RARB: variants seen among roughly 807,000 people sequenced by gnomAD.
RARB encodes retinoic acid receptor beta, also known as HBV-activated protein.
A neutral mutation model predicts 51.9 loss-of-function variants in RARB; 17 were observed. The ratio of observed to expected loss-of-function variants is 0.33; its 90% CI spans 0.22 to 0.49. RARB has a LOEUF of 0.49. Among genes scored for constraint, RARB ranks in the 20% least tolerant of loss-of-function variants. RARB has a pLI of 0.99. For missense variants in RARB, 369 were observed against 550.8 expected, an observed-to-expected ratio of 0.67 and a Z score of 3.30; for synonymous variants, 215 against 195.4, an observed-to-expected ratio of 1.10 and a Z score of -0.84.
intron 2 of RARB, among the ~76,000 whole-genome samples, chr3:24,996,832 T>A (rs1245011928): frequency 6.6e-6 from 1 of 152,042 alleles, no homozygotes; most frequent in Non-Finnish European, 1.5e-5. Flanking sequence ...GATGTTATTT[T>A]GGTTTGTGAA....
chr3:25,564,670 A>G (rs1252406124), intron 3 of RARB, among the ~76,000 whole-genome samples: 10 of 152,162 alleles, frequency 6.6e-5, no homozygotes, highest in Middle Eastern at 3.2e-3. Flanking sequence ...CGGATCTTGT[A>G]TTAAGCCCTG....
chr3:25,328,141 G>A (rs1031407774), intron 5 of RARB, among the ~76,000 whole-genome samples: 9 of 152,216 alleles, frequency 5.9e-5, no homozygotes, highest in Non-Finnish European at 1.3e-4. Context: ...ATATCAATAT[G>A]CAGTATAAAA....
intron 5 of RARB, among the ~76,000 whole-genome samples, chr3:25,297,113 C>G (rs1453629579): frequency 6.6e-6 from 1 of 152,274 alleles, no homozygotes; most frequent in East Asian, 1.9e-4. Flanking sequence ...ATATAAACTT[C>G]AGGAAATCCA....
intron 2 of RARB, among the ~76,000 whole-genome samples, chr3:24,948,664 G>A (rs183273106): frequency 6.6e-6 from 1 of 152,150 alleles, no homozygotes; most frequent in Non-Finnish European, 1.5e-5. Flanking sequence ...TCGAGATGTT[G>A]GAGGTGGGCC....
chr3:24,981,744 G>GT (rs1376439031), intron 2 of RARB, among the ~76,000 whole-genome samples: 1 of 152,140 alleles, frequency 6.6e-6, no homozygotes, highest in Non-Finnish European at 1.5e-5. Flanking sequence ...TGCTTCCTGG[G>GT]TAAGGCGATT....
intron 5 of RARB, chr3:25,259,927 C>G (rs1029680328): frequency 1.1e-5 from 11 of 985,296 alleles, no homozygotes; most frequent in Non-Finnish European, 1.3e-5. Flanking sequence ...GGCTTTGTCT[C>G]TTTGGCATTC....
chr3:24,857,000 G>C (rs576095590), intron 1 of RARB, among the ~76,000 whole-genome samples: 1 of 152,154 alleles, frequency 6.6e-6, no homozygotes, highest in Admixed American at 6.5e-5. Flanking sequence ...TTATTGAGTT[G>C]CTAAGCTGCA....
At chr3:25,409,337 T>C (rs996339050) in intron 5 of RARB, among the ~76,000 whole-genome samples, 9 of 152,084 alleles carry the variant, frequency 5.9e-5, no homozygotes, top group African/African-American at 9.7e-5. Flanking sequence ...CTGCAAACCT[T>C]CTCCTCCTCA....
In RARB at chr3:25,499,914, A is replaced by G. The variant is rs117956288; in HGVS notation, c.307-1268A>G. 1.8e-3 allele frequency among the ~76,000 whole-genome samples: 271 copies of G among 152,338 alleles called. 5 individuals are homozygous for G. In the East Asian group the frequency reaches 0.038, roughly 21 times the overall value. ...CTGGTCAGAAATGTTTTGCACCTAC[A>G]CTAGACAAAAATTATGTGTAATTTA... On this transcript the variant is annotated intron_variant, in intron 2 of 7. Coordinates refer to ENST00000330688, the MANE Select transcript of RARB (RefSeq NM_000965.5).
intron 2 of RARB, among the ~76,000 whole-genome samples, chr3:25,028,390 C>T (rs746483105): frequency 6.6e-6 from 1 of 152,140 alleles, no homozygotes; most frequent in African/African-American, 2.4e-5. Flanking sequence ...AGTGAAGTCC[C>T]TGGACCAGCA....
chr3:24,850,856 G>A (rs1702545947), intron 1 of RARB, among the ~76,000 whole-genome samples: 1 of 152,198 alleles, frequency 6.6e-6, no homozygotes, highest in South Asian at 2.1e-4. Context: ...CTGCCAGTCT[G>A]TGGGCCATAC....
intron 3 of RARB, among the ~76,000 whole-genome samples, chr3:25,113,185 A>G (rs1447320555): frequency 6.6e-6 from 1 of 151,968 alleles, no homozygotes; most frequent in Non-Finnish European, 1.5e-5. Flanking sequence ...ATATTATCTG[A>G]ACTCATGTGG....
intron 5 of RARB, among the ~76,000 whole-genome samples, chr3:25,266,005 C>G (rs546848011): frequency 2.6e-5 from 4 of 152,160 alleles, no homozygotes; most frequent in South Asian, 4.1e-4. Context: ...ACTGCCATTT[C>G]TATAGTTCTC....
At chr3:25,172,316 G>A (rs897989494) in intron 4 of RARB, among the ~76,000 whole-genome samples, 1 of 152,142 alleles carries the variant, frequency 6.6e-6, no homozygotes, top group African/African-American at 2.4e-5. Flanking sequence ...CAAGAGCAGA[G>A]AAGGTGATTC....
chr3:24,870,787 C>A (rs538756786), intron 2 of RARB, among the ~76,000 whole-genome samples: 4 of 151,948 alleles, frequency 2.6e-5, no homozygotes, highest in Non-Finnish European at 4.4e-5. Context: ...TTATAGGATG[C>A]GTGCAATGTT....
At chr3:24,982,792 G>T (rs1476461585) in intron 2 of RARB, among the ~76,000 whole-genome samples, 1 of 152,136 alleles carries the variant, frequency 6.6e-6, no homozygotes, top group African/African-American at 2.4e-5. Flanking sequence ...GTGTTTGGGG[G>T]CTGGGGCATC....
At chr3:24,977,545 T>C (rs1696544983) in intron 2 of RARB, among the ~76,000 whole-genome samples, 1 of 152,226 alleles carries the variant, frequency 6.6e-6, no homozygotes, top group Admixed American at 6.5e-5. Flanking sequence ...AGTTCACTCA[T>C]GATTTAGCTG....
chr3:25,087,667 ATTG>A (rs1699127483), intron 3 of RARB, among the ~76,000 whole-genome samples: 2 of 152,102 alleles, frequency 1.3e-5, no homozygotes, highest in East Asian at 1.9e-4. Context: ...AGTAATGGAG[ATTG>A]TTGTTATTAG....
intron 2 of RARB, among the ~76,000 whole-genome samples, chr3:24,927,120 T>C (rs759356903): frequency 5.3e-5 from 8 of 152,002 alleles, no homozygotes; most frequent in Non-Finnish European, 8.8e-5. Context: ...TTATACTCTT[T>C]TGTTTTTTGC....
Sources: gnomAD v4.1 joint callset for allele counts (sites outside exome capture counted in the v4.1 genomes callset) on GRCh38, gnomAD v4.1.1 for gene constraint, MANE v1.5 for transcripts, NCBI Gene and HGNC (gene_info 2026-07-23, HGNC 2026-07-21) for gene names.